CROCC2: variants seen among roughly 807,000 people sequenced by gnomAD.
CROCC2 encodes the protein ciliary rootlet coiled-coil protein 2.
Under a neutral mutation model 177.6 loss-of-function variants are expected in CROCC2, and 163 were observed. The ratio of observed to expected loss-of-function variants is 0.92; its 90% CI spans 0.81 to 1.05. The LOEUF (loss-of-function observed/expected upper bound fraction) is 1.05. Ranked by LOEUF, CROCC2 falls within the 50% of genes least tolerant of loss-of-function variation. CROCC2 has a pLI of 0.00. For synonymous variants in CROCC2, 904 were observed against 787.3 expected (o/e 1.15, Z -2.48); for missense variants, 1,929 against 1,797.8 (o/e 1.07, Z -1.32).
At chr2:240,956,976 C>G (rs2059595309) in intron 19 of CROCC2, among the ~76,000 whole-genome samples, 1 of 152,132 alleles carries the variant, frequency 6.6e-6, no homozygotes, top group South Asian at 2.1e-4. Context: ...AGCAGGATCT[C>G]CAAGGGCCCA....
At chr2:240,983,304 T>C (rs997702446) in intron 28 of CROCC2, 2 of 1,155,122 alleles carry the variant, frequency 1.7e-6, no homozygotes, top group Admixed American at 5.4e-5. Context: ...AGGAGTCAGC[T>C]GTGGACACGC....
intron 13 of CROCC2, 58 bp from the exon 14 acceptor site, chr2:240,935,300 G>A: frequency 7.6e-7 from 1 of 1,322,174 alleles, no homozygotes; most frequent in Non-Finnish European, 9.7e-7. Flanking sequence ...GGGATGGCTG[G>A]CCTACAGGGA....
At chr2:240,909,210 C>T (rs1209780760) in intron 1 of CROCC2, among the ~76,000 whole-genome samples, 2 of 135,392 alleles carry the variant, frequency 1.5e-5, no homozygotes, top group Admixed American at 1.4e-4. Context: ...GCTCTACCTC[C>T]TCCACCTGGG....
At chr2:240,975,941 G>C (rs913861680) in intron 27 of CROCC2, among the ~76,000 whole-genome samples, 1 of 152,036 alleles carries the variant, frequency 6.6e-6, no homozygotes, top group African/African-American at 2.4e-5. Flanking sequence ...GTGTTGTCCA[G>C]GCTGGTCTCG....
At chr2:240,936,581 C>T (rs1361701733) in intron 14 of CROCC2, among the ~76,000 whole-genome samples, 1 of 152,190 alleles carries the variant, frequency 6.6e-6, no homozygotes, top group African/African-American at 2.4e-5. Context: ...TCTGCTTACT[C>T]ATCCACCTGT....
At chr2:240,910,377 G>A (rs533992029) in intron 1 of CROCC2, among the ~76,000 whole-genome samples, 18 of 144,056 alleles carry the variant, frequency 1.2e-4, no homozygotes, top group South Asian at 4.4e-4. Context: ...TCAGACTCCC[G>A]TTCCTTGGCT....
chr2:240,922,746 C>G, intron 4 of CROCC2, 101 bp downstream of exon 4: 1 of 481,238 alleles, frequency 2.1e-6, no homozygotes, highest in Non-Finnish European at 3.7e-6. Context: ...CAGCTCTTCC[C>G]AAAGCAGCTG....
At chr2:240,957,921 C>G in intron 19 of CROCC2, 1 of 962,788 alleles carries the variant, frequency 1.0e-6, no homozygotes, top group Non-Finnish European at 1.2e-6. Context: ...CAGGAAAGCC[C>G]TCCTGGGGCC....
rs1300958752 is a variant in CROCC2 at position 240,989,805 on chromosome 2, A to G, written c.4835A>G (p.Gln1612Arg). Residue 1612 changes from glutamine to arginine, a missense_variant, in exon 30 of 32, where the codon CAG becomes CGG. Gln to Arg is a conservative substitution (Grantham distance 43, BLOSUM62 1). Around this residue, in one of 3 missense-constraint regions of CROCC2, gnomAD observed 388 missense variants for 352.7 expected, o/e 1.10. Transcript: ENST00000690015. ...QALESQEWTH[Q>R]QQVKVLEEQV... ...CTGGAGTCCCAAGAATGGACCCACCAGCAGCAGGTAAAGGTGCTGGAAGAG... is the reference window on the plus strand; with the variant it reads ...CTGGAGTCCCAAGAATGGACCCACCGGCAGCAGGTAAAGGTGCTGGAAGAG... 1.3e-6 allele frequency: 2 copies of G among 1,548,448 alleles called. No individual in the cohort carries two copies. The highest frequency in any genetic ancestry group is 2.0e-5 in the Admixed American group (1 of 50,954).
chr2:240,941,770 C>T (rs2059495994), intron 14 of CROCC2, among the ~76,000 whole-genome samples: 1 of 152,224 alleles, frequency 6.6e-6, no homozygotes, highest in South Asian at 2.1e-4. Context: ...TCATCCCTTG[C>T]TATGTTTCGA....
intron 18 of CROCC2, 37 bp downstream of exon 18, chr2:240,950,547 A>G (rs1050642406): frequency 6.6e-7 from 1 of 1,523,140 alleles, no homozygotes; most frequent in Non-Finnish European, 8.8e-7. Flanking sequence ...GATTGCTCAC[A>G]CCCACTGCAC....
intron 25 of CROCC2, 83 bp downstream of exon 25, chr2:240,966,492 G>A (rs752061671): frequency 1.8e-5 from 7 of 398,420 alleles, no homozygotes; most frequent in Middle Eastern, 6.0e-4. Flanking sequence ...ATCCATCCGC[G>A]CGTCCCTGGG....
Position 240,918,430 on chromosome 2 carries a change from G to A in CROCC2, c.79-296G>A, listed in dbSNP as rs1290239682. ...GGGAACTGGCAACCGCTTAGCCAGC[G>A]CTCAGCCCAGCCCCCACCAAGACAG... On this transcript the variant is annotated intron_variant, in intron 1 of 31. Transcript: ENST00000690015. The surrounding 1 kb of genome is among the most constrained non-coding windows in gnomAD (Gnocchi z 6.3). Among the ~76,000 whole-genome samples, 2 of 152,170 alleles carry A rather than the reference G, an allele frequency of 1.3e-5. No homozygotes were observed. Among genetic ancestry groups the A allele is most frequent in the African/African-American group, 4.8e-5 (2 of 41,432 alleles).
At chr2:240,915,387 G>A (rs1204549251) in intron 1 of CROCC2, among the ~76,000 whole-genome samples, 1 of 152,220 alleles carries the variant, frequency 6.6e-6, no homozygotes, top group African/African-American at 2.4e-5. Context: ...AGGGGCTGGT[G>A]GCCAGTTGGG....
chr2:240,913,316 C>A (rs1285443274), intron 1 of CROCC2, among the ~76,000 whole-genome samples: 1 of 152,094 alleles, frequency 6.6e-6, no homozygotes, highest in Non-Finnish European at 1.5e-5. Flanking sequence ...GGCTCTCTAG[C>A]TGGTGGGCTC....
Position 240,925,733 on chromosome 2 carries a change from C to A in CROCC2, c.498C>A (p.Gly166=), listed in dbSNP as rs575309452. The A allele has an allele frequency of 2.4e-5, 17 of 715,994 alleles. No homozygotes were observed. Among genetic ancestry groups the A allele is most frequent in the Middle Eastern group, 2.3e-4 (1 of 4,360 alleles). 44.4% of individuals were successfully genotyped at this position (715,994 alleles called of 1,614,324 possible). ...RLEAAEERST[G]LCQVNALLRE... ...TGGGTTCTCTGTCCAGGAGCACCGG[C>A]CTCTGTCAGGTGAACGCGCTCCTGC... is the stretch of plus-strand genomic sequence containing the variant. Residue 166 remains glycine, a synonymous_variant, in exon 5 of 32, where the codon GGC becomes GGA. Transcript: ENST00000690015.
At chr2:240,927,838 A>T (rs1292592341) in intron 5 of CROCC2, among the ~76,000 whole-genome samples, 1 of 152,178 alleles carries the variant, frequency 6.6e-6, no homozygotes, top group Non-Finnish European at 1.5e-5. Flanking sequence ...TTTAGTAGAG[A>T]TGGCATTTCA....
intron 1 of CROCC2, among the ~76,000 whole-genome samples, chr2:240,915,608 C>T (rs2059314812): frequency 6.6e-6 from 1 of 152,194 alleles, no homozygotes; most frequent in Non-Finnish European, 1.5e-5. Flanking sequence ...TGCTCTAACC[C>T]TGTGGAGGCA....
chr2:240,919,898 A>ACG, intron 2 of CROCC2, 85 bp from the exon 3 acceptor site: 1 of 509,556 alleles, frequency 2.0e-6, no homozygotes, highest in East Asian at 4.0e-5. Flanking sequence ...TGGCCAGCCC[A>ACG]GGGTCCCACC....
Sources: gnomAD v4.1 joint callset for allele counts (sites outside exome capture counted in the v4.1 genomes callset) on GRCh38, gnomAD v4.1.1 for gene constraint, gnomAD v4.1.1 regional missense constraint, Gnocchi (gnomAD v3.1) non-coding constraint, MANE v1.5 for transcripts, NCBI Gene and HGNC (gene_info 2026-07-23, HGNC 2026-07-21) for gene names.